RDH10: variants seen among roughly 807,000 people sequenced by gnomAD.
RDH10 encodes the protein retinol dehydrogenase 10.
RDH10 carries 12 observed loss-of-function variants against 30.2 expected under a neutral mutation model. The observed-to-expected ratio is 0.40, with a 90% CI of 0.25 to 0.64. The LOEUF is 0.64. Among genes scored for constraint, RDH10 ranks in the 30% least tolerant of loss-of-function variants. The pLI is 0.43. For synonymous variants in RDH10, 189 were observed against 172.2 expected, an observed-to-expected ratio of 1.10 and a Z score of -0.76; for missense variants, 268 against 445.2, an observed-to-expected ratio of 0.60 and a Z score of 3.58.
chr8:73,308,421 C>T (rs957341908), intron 2 of RDH10, among the ~76,000 whole-genome samples: 2 of 151,992 alleles, frequency 1.3e-5, no homozygotes, highest in Admixed American at 1.3e-4. Flanking sequence ...GTAATTATTC[C>T]CTAAATGAGG....
At chr8:73,310,491 G>A (rs1448885167) in intron 2 of RDH10, among the ~76,000 whole-genome samples, 2 of 152,256 alleles carry the variant, frequency 1.3e-5, no homozygotes, top group Non-Finnish European at 2.9e-5. Context: ...TGCCACTGCA[G>A]ATGGCCGGAG....
At chr8:73,317,400 G>T (rs1226184253) in intron 2 of RDH10, among the ~76,000 whole-genome samples, 1 of 152,168 alleles carries the variant, frequency 6.6e-6, no homozygotes, top group African/African-American at 2.4e-5. Context: ...TATCAGAAGA[G>T]TTCATGGGTC....
chr8:73,309,003 C>T (rs1472005909), intron 2 of RDH10, among the ~76,000 whole-genome samples: 1 of 152,174 alleles, frequency 6.6e-6, no homozygotes, highest in Non-Finnish European at 1.5e-5. Flanking sequence ...GTGATTCCTA[C>T]ACGCATGTGC....
chr8:73,312,522 C>G (rs1272051545), intron 2 of RDH10: 1 of 152,184 alleles, frequency 6.6e-6, no homozygotes, highest in Non-Finnish European at 1.5e-5. Context: ...GTCATTTTAG[C>G]CTTGTAAATA....
intron 2 of RDH10, among the ~76,000 whole-genome samples, chr8:73,308,141 C>T (rs990036746): frequency 6.6e-6 from 1 of 152,176 alleles, no homozygotes; most frequent in African/African-American, 2.4e-5. Flanking sequence ...GGATAGGGCT[C>T]TTCTACAAGG....
rs1377682839 is a variant in RDH10, at chr8:73,322,822, G to A, written c.902+12G>A. On this transcript the variant is annotated intron_variant, in intron 5 of 5. Coordinates refer to ENST00000240285, the MANE Select transcript of RDH10 (RefSeq NM_172037.5). ...ACCTTCATGAAGAGGTAACTGGGAG[G>A]GGTTCCCTCACTGACTGGGTCTCTC... The A allele has an allele frequency of 6.2e-7, 1 of 1,614,098 alleles. No homozygotes were observed. The highest frequency in any genetic ancestry group is 2.2e-5 in the East Asian group (1 of 44,868).
intron 2 of RDH10, among the ~76,000 whole-genome samples, chr8:73,307,146 C>T (rs74742755): frequency 9.9e-4 from 150 of 152,212 alleles, no homozygotes; most frequent in Admixed American, 1.9e-3. Flanking sequence ...TTATAACAGT[C>T]GTTTTTTGCC....
At chr8:73,295,851 G>A (rs545211513) in intron 1 of RDH10, 5 of 1,251,912 alleles carry the variant, frequency 4.0e-6, no homozygotes, top group Non-Finnish European at 5.0e-6. Flanking sequence ...GCCCTCCGGG[G>A]TAGGGAAGGC....
chr8:73,323,044 T>C lies in RDH10; in HGVS notation c.*8T>C, dbSNP rs775617856. The C allele has an allele frequency of 1.9e-6, 3 of 1,608,732 alleles. No homozygotes were observed. Among genetic ancestry groups the C allele is most frequent in the Non-Finnish European group, 2.6e-6 (3 of 1,175,312 alleles). On this transcript the variant is annotated 3_prime_UTR_variant, in exon 6 of 6. Coordinates refer to ENST00000240285, the MANE Select transcript of RDH10 (RefSeq NM_172037.5). ...GCAAAAAATGGAATCTAAGAATCTTTTTGTATGGAATATTACTTCTATCAG... is the reference window on the plus strand; with the variant it reads ...GCAAAAAATGGAATCTAAGAATCTTCTTGTATGGAATATTACTTCTATCAG...
intron 2 of RDH10, among the ~76,000 whole-genome samples, chr8:73,316,056 G>A (rs949472899): frequency 1.3e-5 from 2 of 152,106 alleles, no homozygotes; most frequent in African/African-American, 2.4e-5. Flanking sequence ...TCGCTCTGTC[G>A]CCTAGGCTGG....
At chr8:73,320,770 C>A (rs1814757383) in intron 3 of RDH10, among the ~76,000 whole-genome samples, 162 bp from the exon 4 acceptor site, 1 of 152,148 alleles carries the variant, frequency 6.6e-6, no homozygotes, top group Non-Finnish European at 1.5e-5. Context: ...CTATGCCCAG[C>A]CAGGTATCTG....
rs1244950074 is a variant in RDH10 at position 73,313,172 on chromosome 8, CTGCA to C, written c.526-5923_526-5920del. 3.3e-5 allele frequency: 5 copies of C among 152,208 alleles called. No homozygotes were observed. The East Asian group carries it at 9.6e-4, about 29-fold the overall frequency. 9.4% of individuals were successfully genotyped at this position (152,208 alleles called of 1,614,324 possible). A position where few individuals can be genotyped will look rare whatever the true frequency, so the allele number is the denominator to read the frequency against. ...TGACACTGCAGCTGCAGGCTTTGGG[CTGCA>C]CAGTCTGTCATTAAGAGTACCAAGA... On this transcript the variant is annotated intron_variant, in intron 2 of 5. Transcript: ENST00000240285.
At chr8:73,308,731 A>G (rs1406815280) in intron 2 of RDH10, among the ~76,000 whole-genome samples, 1 of 152,060 alleles carries the variant, frequency 6.6e-6, no homozygotes, top group Non-Finnish European at 1.5e-5. Flanking sequence ...GGGCTCTTGC[A>G]CTAGGGGCTC....
rs1376867666 is a variant in RDH10, at chr8:73,304,175, A to G, written c.525+6746A>G. On this transcript the variant is annotated intron_variant, in intron 2 of 5. Transcript: ENST00000240285. ...CCTTCAACTACCTTGACTGCGCCAC[A>G]CATTCTCTTAAAGCAGCATGTCACA... Among the ~76,000 whole-genome samples the G allele has an allele frequency of 2.0e-5, 3 of 152,160 alleles. No homozygotes were observed. The East Asian group carries it at 5.8e-4, about 29-fold the overall frequency.
At chr8:73,318,188 AG>A (rs574006888) in intron 2 of RDH10, among the ~76,000 whole-genome samples, 2 of 152,270 alleles carry the variant, frequency 1.3e-5, no homozygotes, top group South Asian at 4.1e-4. Context: ...CTGGTGGAGT[AG>A]TTAATAGATC....
chr8:73,296,048 T>G (rs1814260110), intron 1 of RDH10, among the ~76,000 whole-genome samples: 1 of 152,214 alleles, frequency 6.6e-6, no homozygotes, highest in Non-Finnish European at 1.5e-5. Flanking sequence ...AAGTTTAGCC[T>G]GAGGAACATA....
At chr8:73,299,934 G>A (rs912997258) in intron 2 of RDH10, among the ~76,000 whole-genome samples, 16 of 152,122 alleles carry the variant, frequency 1.1e-4, no homozygotes, top group Middle Eastern at 3.2e-3. Context: ...ACATAAGGAG[G>A]AAGTCAAATC....
intron 2 of RDH10, chr8:73,300,511 A>G (rs1014483748): frequency 6.6e-6 from 1 of 152,254 alleles, no homozygotes; most frequent in African/African-American, 2.4e-5. Context: ...TTAAAAGTCC[A>G]TCAGCTGAGC....
At chr8:73,316,703 A>G (rs902858743) in intron 2 of RDH10, among the ~76,000 whole-genome samples, 3 of 152,226 alleles carry the variant, frequency 2.0e-5, no homozygotes, top group African/African-American at 7.2e-5. Context: ...TGCAGGCTGT[A>G]CAGGAAGCAT....
Sources: gnomAD v4.1 joint callset for allele counts (sites outside exome capture counted in the v4.1 genomes callset) on GRCh38, gnomAD v4.1.1 for gene constraint, MANE v1.5 for transcripts, NCBI Gene and HGNC (gene_info 2026-07-23, HGNC 2026-07-21) for gene names.